Variants in NECAP1 observed in about 807,000 individuals in gnomAD.
NECAP1 encodes the protein NECAP endocytosis associated 1, also known as adaptin ear-binding coat-associated protein 1.
Under a neutral mutation model 33.4 loss-of-function variants are expected in NECAP1, and 13 were observed. That is an observed-to-expected ratio of 0.39 (90% CI 0.25 to 0.62). The LOEUF (loss-of-function observed/expected upper bound fraction) is 0.62. Ranked by LOEUF, NECAP1 falls within the 20% of genes least tolerant of loss-of-function variation. NECAP1 has a pLI of 0.52. For missense variants in NECAP1, 272 were observed against 347.4 expected, an observed-to-expected ratio of 0.78 and a Z score of 1.73; for synonymous variants, 109 against 125.2, an observed-to-expected ratio of 0.87 and a Z score of 0.86.
At chr12:8,084,615 A>G (rs546664566) in intron 1 of NECAP1, among the ~76,000 whole-genome samples, 2 of 150,856 alleles carry the variant, frequency 1.3e-5, no homozygotes, top group African/African-American at 2.4e-5. Flanking sequence ...TCACTGTTCA[A>G]CTCCCACTTG....
intron 1 of NECAP1, among the ~76,000 whole-genome samples, chr12:8,083,236 G>A (rs1947458049): frequency 6.6e-6 from 1 of 151,884 alleles, no homozygotes. Flanking sequence ...CCATATGAGT[G>A]TGAGCCCTTT....
intron 1 of NECAP1, among the ~76,000 whole-genome samples, chr12:8,085,686 C>T (rs1168124572): frequency 7.5e-4 from 79 of 104,836 alleles, no homozygotes; most frequent in African/African-American, 2.8e-3. Flanking sequence ...ACTTAATCTT[C>T]TTTTTTTTTT....
chr12:8,084,984 A>G (rs1251645345), intron 1 of NECAP1, among the ~76,000 whole-genome samples: 1 of 152,144 alleles, frequency 6.6e-6, no homozygotes, highest in Admixed American at 6.5e-5. Context: ...CCTAAAGGAT[A>G]TGATACATAT....
In NECAP1 at chr12:8,092,960, A is replaced by T. The variant is rs765855460; in HGVS notation, c.581A>T (p.Lys194Ile). ...TTACTCCCACCCCCGCCAGGAGGCA[A>T]AGTCACTATTCCCCCACCATCCTCC... ...LSLLPPPPGG[K>I]VTIPPPSSSV... The change falls in exon 6 of 8, where the codon AAA (lysine) becomes ATA (isoleucine). Residue 194 changes from lysine to isoleucine, a missense_variant. Physicochemically the swap from Lys to Ile is moderately radical, Grantham distance 102 (BLOSUM62 -3). Coordinates refer to ENST00000339754, the MANE Select transcript of NECAP1 (RefSeq NM_015509.4). The T allele has an allele frequency of 1.2e-6, 2 of 1,609,852 alleles. No individual in the cohort carries two copies. Among genetic ancestry groups the T allele is most frequent in the Admixed American group, 3.4e-5 (2 of 59,262 alleles).
chr12:8,092,497 T>A (rs778470375), intron 4 of NECAP1, 179 bp from the exon 5 acceptor site: 3 of 562,866 alleles, frequency 5.3e-6, no homozygotes, highest in Non-Finnish European at 9.4e-6. Context: ...GAGTCCCCAG[T>A]GGAATTGAAC....
At position 8,092,791 on chromosome 12, in the gene NECAP1, A is replaced by G. The variant is rs1449501710; in HGVS notation, c.492+7A>G. 8 of 1,604,438 alleles carry G rather than the reference A, an allele frequency of 5.0e-6. No individual in the cohort carries two copies. The Admixed American group carries it at 5.1e-5, about 10-fold the overall frequency. ...CATCAAGTTGTGTATCGGGGTGAGTATGGTTTTTAAAAATTTTGTTTTCCT... is the reference window on the plus strand; with the variant it reads ...CATCAAGTTGTGTATCGGGGTGAGTGTGGTTTTTAAAAATTTTGTTTTCCT... On this transcript the variant is annotated splice_region_variant and intron_variant, in intron 5 of 7. Transcript: ENST00000339754.
chr12:8,092,063 C>T (rs1947550803), intron 4 of NECAP1: 1 of 546,456 alleles, frequency 1.8e-6, no homozygotes, highest in African/African-American at 1.9e-5. Context: ...TTTCAGATCC[C>T]TTGTGCAGTA....
Position 8,092,948 on chromosome 12 carries a change from C to G in NECAP1, c.569C>G (p.Pro190Arg), listed in dbSNP as rs764080699. 7 of 1,606,256 alleles carry G rather than the reference C, an allele frequency of 4.4e-6. No individual in the cohort carries two copies. The highest frequency in any genetic ancestry group is 6.0e-6 in the Non-Finnish European group (7 of 1,176,306). Reference protein sequence around the residue: ...RGGGLSLLPPPPGGKVTIPPP... With the variant: ...RGGGLSLLPPRPGGKVTIPPP... ...GGGGGTCTGAGCTTACTCCCACCCC[C>G]GCCAGGAGGCAAAGTCACTATTCCC... is the stretch of plus-strand genomic sequence containing the variant. Residue 190 changes from proline to arginine, a missense_variant, in exon 6 of 8, where the codon CCG becomes CGG. Coordinates refer to ENST00000339754, the MANE Select transcript of NECAP1 (RefSeq NM_015509.4).
Position 8,090,225 on chromosome 12 carries a change from A to G in NECAP1, c.227A>G (p.Gln76Arg), listed in dbSNP as rs1434756373. The change falls in exon 3 of 8, where the codon CAA becomes CGA. Residue 76 changes from glutamine (Q) to arginine (R), a missense_variant. Transcript: ENST00000339754. Reference protein sequence around the residue: ...GELFAQAPVEQYPGIAVETVT... With the variant: ...GELFAQAPVERYPGIAVETVT... ...CTCTTTGCTCAGGCACCAGTAGAAC[A>G]ATATCCTGGTATTGCTGTGGAGACG... 1 of 1,614,174 alleles carries G rather than the reference A, an allele frequency of 6.2e-7. No individual in the cohort carries two copies. Among genetic ancestry groups the G allele is most frequent in the Non-Finnish European group, 8.5e-7 (1 of 1,180,016 alleles).
At chr12:8,090,149 G>A in intron 2 of NECAP1, 46 bp from the exon 3 acceptor site, 2 of 1,604,878 alleles carry the variant, frequency 1.2e-6, no homozygotes, top group South Asian at 1.1e-5. Flanking sequence ...TGGGGTTCTG[G>A]ATTTTGGCTT....
chr12:8,085,488 A>AT (rs1028160835), intron 1 of NECAP1, among the ~76,000 whole-genome samples: 9 of 151,984 alleles, frequency 5.9e-5, no homozygotes, highest in African/African-American at 1.2e-4. Context: ...GTCTACTGGC[A>AT]TTTTTTATCC....
chr12:8,083,981 A>T (rs1947466709), intron 1 of NECAP1, among the ~76,000 whole-genome samples: 1 of 151,812 alleles, frequency 6.6e-6, no homozygotes. Context: ...GCCTTAAGTG[A>T]TTCTCCTGCC....
intron 4 of NECAP1, 107 bp downstream of exon 4, chr12:8,091,957 C>A: frequency 1.0e-6 from 1 of 963,822 alleles, no homozygotes; most frequent in Non-Finnish European, 1.6e-6. Context: ...GTTTCTTAAA[C>A]TATTTCATTG....
intron 6 of NECAP1, chr12:8,093,353 G>C: frequency 2.8e-6 from 1 of 353,472 alleles, no homozygotes; most frequent in African/African-American, 2.2e-5. Flanking sequence ...TCATGGCTCT[G>C]CTACTTTATA....
At chr12:8,087,314 A>C (rs1947500523) in intron 1 of NECAP1, among the ~76,000 whole-genome samples, 1 of 151,854 alleles carries the variant, frequency 6.6e-6, no homozygotes, top group Admixed American at 6.6e-5. Flanking sequence ...TTTGTAAGGT[A>C]AGTTAAAAGT....
At position 8,094,543 on chromosome 12, in the gene NECAP1, T is replaced by G. The variant is rs181259938; in HGVS notation, c.677-1058T>G. The G allele has an allele frequency of 1.2e-4, 18 of 152,462 alleles. No homozygotes were observed. The East Asian group carries it at 2.3e-3, about 20-fold the overall frequency. The allele number at this position is 152,462 out of a possible 1,614,324, so 9.4% of individuals were successfully genotyped here. On this transcript the variant is annotated intron_variant, in intron 6 of 7. Transcript: ENST00000339754. ...GTACAGTGGTGCAGTCATAGCTCAC[T>G]GCAGCCTCAAACTCCTGGGCTCAAG...
At chr12:8,082,427 G>T in intron 1 of NECAP1, 44 bp downstream of exon 1, 1 of 1,548,186 alleles carries the variant, frequency 6.5e-7, no homozygotes. Flanking sequence ...CTCTGTCGCA[G>T]ATGACAGCTT....
intron 1 of NECAP1, among the ~76,000 whole-genome samples, chr12:8,083,620 G>A (rs900151124): frequency 6.6e-6 from 1 of 151,282 alleles, no homozygotes; most frequent in African/African-American, 2.4e-5. Flanking sequence ...AGTAGAGATG[G>A]GGTTTCACCA....
chr12:8,096,124 G>A lies in NECAP1; in HGVS notation c.*34G>A, dbSNP rs749332391. 1.9e-6 allele frequency: 3 copies of A among 1,606,442 alleles called. No homozygotes were observed. The highest frequency in any genetic ancestry group is 2.6e-6 in the Non-Finnish European group (3 of 1,174,390). ...GGCAGGACATTAAGGACAGACTTGA[G>A]GAATAAAAATGACCTTGAGGGCACC... On this transcript the variant is annotated 3_prime_UTR_variant, in exon 8 of 8. Transcript: ENST00000339754.
Sources: allele counts gnomAD v4.1 joint callset (sites outside exome capture counted in the v4.1 genomes callset), GRCh38; gene constraint gnomAD v4.1.1; transcripts MANE v1.5; gene names NCBI Gene and HGNC (gene_info 2026-07-23, HGNC 2026-07-21).